Variants in ST6GALNAC3 observed in about 807,000 individuals in gnomAD.
The protein encoded by ST6GALNAC3 is ST6 N-acetylgalactosaminide alpha-2,6-sialyltransferase 3.
ST6GALNAC3 carries 25 observed loss-of-function variants against 32.7 expected under a neutral mutation model. The ratio of observed to expected loss-of-function variants is 0.76; its 90% CI spans 0.56 to 1.07. ST6GALNAC3 has a LOEUF of 1.07. Ranked by LOEUF, ST6GALNAC3 falls within the 50% of genes least tolerant of loss-of-function variation. The pLI, the probability that ST6GALNAC3 is intolerant of heterozygous loss-of-function variation, is 0.00. For missense variants in ST6GALNAC3, 355 were observed against 382.4 expected (o/e 0.93, Z 0.60); for synonymous variants, 129 against 133.1 (o/e 0.97, Z 0.21).
Position 76,488,427 on chromosome 1 carries a change from G to A in ST6GALNAC3, c.623+76010G>A, listed in dbSNP as rs142123657. 3.1e-3 allele frequency among the ~76,000 whole-genome samples: 470 copies of A among 152,196 alleles called. 2 individuals are homozygous for A. In the Middle Eastern group the frequency reaches 0.044, roughly 14 times the overall value. ...TGTAAAGCCCGCAAAACCATGAGCCGATTAAAACACTTCTCTTTATAAATT... is the reference window on the plus strand; with the variant it reads ...TGTAAAGCCCGCAAAACCATGAGCCAATTAAAACACTTCTCTTTATAAATT... On this transcript the variant is annotated intron_variant, in intron 3 of 4. Transcript: ENST00000328299.
At chr1:76,444,222 A>G (rs763084853) in intron 3 of ST6GALNAC3, among the ~76,000 whole-genome samples, 3 of 152,210 alleles carry the variant, frequency 2.0e-5, no homozygotes, top group Non-Finnish European at 4.4e-5. Flanking sequence ...GCACCAAACT[A>G]TAGAGCCTCA....
rs867500404 is a variant in ST6GALNAC3, at chr1:76,136,325, G to T, written c.18+61441G>T. ...GTCAATAGTCTCTTTGTTCTTTGAT[G>T]TACAGCTTACAAATAAATGCATTTA... On this transcript the variant is annotated intron_variant, in intron 1 of 4. Transcript: ENST00000328299. 9.8e-5 allele frequency among the ~76,000 whole-genome samples: 15 copies of T among 152,314 alleles called. No homozygotes were observed. In the Middle Eastern group the frequency reaches 0.01, roughly 104 times the overall value.
chr1:76,179,846 T>A (rs1653069555), intron 1 of ST6GALNAC3, among the ~76,000 whole-genome samples: 1 of 152,204 alleles, frequency 6.6e-6, no homozygotes, highest in Non-Finnish European at 1.5e-5. Context: ...GGCTGAAAGA[T>A]GTTTTTGTAA....
At chr1:76,360,848 CAG>C (rs1649870125) in intron 2 of ST6GALNAC3, among the ~76,000 whole-genome samples, 1 of 152,150 alleles carries the variant, frequency 6.6e-6, no homozygotes, top group South Asian at 2.1e-4. Context: ...TTCTGGGAGT[CAG>C]AGTCTCAATT....
intron 1 of ST6GALNAC3, among the ~76,000 whole-genome samples, chr1:76,278,444 A>G (rs1201911850): frequency 6.6e-6 from 1 of 151,548 alleles, no homozygotes; most frequent in African/African-American, 2.4e-5. Context: ...GATGGTCTCA[A>G]TCTCCTGACC....
intron 3 of ST6GALNAC3, chr1:76,576,918 G>A: frequency 3.9e-6 from 5 of 1,293,762 alleles, no homozygotes; most frequent in Non-Finnish European, 5.1e-6. Flanking sequence ...ACCACAAAAG[G>A]AAGGAAGGAA....
Position 76,573,253 on chromosome 1 carries a change from T to C in ST6GALNAC3, c.624-54199T>C, listed in dbSNP as rs567377830. 2.2e-4 allele frequency among the ~76,000 whole-genome samples: 34 copies of C among 152,260 alleles called. 1 individual carries two copies. Among genetic ancestry groups the C allele is most frequent in the Admixed American group, 1.8e-3 (28 of 15,284 alleles). The stretch of plus-strand genomic sequence containing the variant: ...GCAAGTGGAACTACCTTTCCGGTCC[T>C]CTTACAAGCATCCAGTCACTTGCTG... On this transcript the variant is annotated intron_variant, in intron 3 of 4. Transcript: ENST00000328299.
rs2100739372 is a variant in ST6GALNAC3, at chr1:76,630,791, A to C, written c.*1985A>C. Reference sequence around the variant, plus strand: ...TATTCTTTTGTTGTTCCCTTATGCAATTTTTAATTCTATGAATGTTAAGTT... The same window carrying C: ...TATTCTTTTGTTGTTCCCTTATGCACTTTTTAATTCTATGAATGTTAAGTT... On this transcript the variant is annotated 3_prime_UTR_variant, in exon 5 of 5. Transcript: ENST00000328299. 1 of 985,618 alleles carries C rather than the reference A, an allele frequency of 1.0e-6. No homozygotes were observed. The highest frequency in any genetic ancestry group is 1.7e-5 in the African/African-American group (1 of 57,302). The allele number at this position is 985,618 out of a possible 1,614,324, so 61.1% of individuals were successfully genotyped here.
At chr1:76,240,129 T>C (rs886579060) in intron 1 of ST6GALNAC3, among the ~76,000 whole-genome samples, 7 of 152,126 alleles carry the variant, frequency 4.6e-5, no homozygotes, top group African/African-American at 1.4e-4. Context: ...TAAGATAACA[T>C]AGGTATAATA....
chr1:76,160,462 G>A (rs562373978), intron 1 of ST6GALNAC3, among the ~76,000 whole-genome samples: 441 of 152,324 alleles, frequency 2.9e-3, no homozygotes, highest in Non-Finnish European at 3.8e-3. Context: ...GGATGTGGCA[G>A]TAGAAGTGCT....
rs928338596 is a variant in ST6GALNAC3 at position 76,633,636 on chromosome 1, T to C, written c.*4830T>C. 2.0e-5 allele frequency: 3 copies of C among 152,216 alleles called. No individual in the cohort carries two copies. Among genetic ancestry groups the C allele is most frequent in the Non-Finnish European group, 4.4e-5 (3 of 68,044 alleles). The allele number at this position is 152,216 out of a possible 1,614,324, so 9.4% of individuals were successfully genotyped here. On this transcript the variant is annotated 3_prime_UTR_variant, in exon 5 of 5. Coordinates refer to ENST00000328299, the MANE Select transcript of ST6GALNAC3 (RefSeq NM_152996.4). ...AAAATGTCCTCATACTCAAACCAAC[T>C]GTGCTGCCCAAGTTAGTGAAATTAT...
At chr1:76,339,040 A>G (rs148882012) in intron 2 of ST6GALNAC3, among the ~76,000 whole-genome samples, 308 of 152,168 alleles carry the variant, frequency 2.0e-3, no homozygotes, top group African/African-American at 7.0e-3. Flanking sequence ...TCCTTTCCCT[A>G]CATTCTGATG....
intron 2 of ST6GALNAC3, among the ~76,000 whole-genome samples, chr1:76,370,257 C>A (rs958996215): frequency 3.9e-5 from 6 of 152,110 alleles, no homozygotes; most frequent in African/African-American, 1.4e-4. Context: ...CTACTGAACT[C>A]TGTGTGATAC....
intron 1 of ST6GALNAC3, among the ~76,000 whole-genome samples, chr1:76,147,450 G>A (rs755888761): frequency 2.0e-5 from 3 of 152,110 alleles, no homozygotes; most frequent in Non-Finnish European, 2.9e-5. Context: ...CTTAACCTGA[G>A]ATGCAAGACC....
intron 3 of ST6GALNAC3, among the ~76,000 whole-genome samples, chr1:76,453,990 T>G (rs1170204363): frequency 2.6e-5 from 4 of 152,146 alleles, no homozygotes; most frequent in Non-Finnish European, 4.4e-5. Flanking sequence ...CTTGGGATTG[T>G]GATATTTTTC....
intron 3 of ST6GALNAC3, among the ~76,000 whole-genome samples, chr1:76,563,909 G>A (rs1030428319): frequency 1.3e-5 from 2 of 152,150 alleles, no homozygotes; most frequent in Non-Finnish European, 2.9e-5. Flanking sequence ...TTCAGCAGTA[G>A]AGATTAGTTA....
chr1:76,109,351 C>T (rs1647764879), intron 1 of ST6GALNAC3, among the ~76,000 whole-genome samples: 1 of 152,184 alleles, frequency 6.6e-6, no homozygotes, highest in African/African-American at 2.4e-5. Context: ...CAAAGACTCC[C>T]CGTAAGCTGA....
At chr1:76,527,312 T>G (rs1253828136) in intron 3 of ST6GALNAC3, among the ~76,000 whole-genome samples, 1 of 152,062 alleles carries the variant, frequency 6.6e-6, no homozygotes. Context: ...ATGGAAAGAT[T>G]TGCTATGAAC....
At chr1:76,442,032 T>G (rs1412457103) in intron 3 of ST6GALNAC3, among the ~76,000 whole-genome samples, 1 of 152,178 alleles carries the variant, frequency 6.6e-6, no homozygotes, top group African/African-American at 2.4e-5. Context: ...AGTGTGCAGG[T>G]GCATGGGGCA....
Sources: gnomAD v4.1 joint callset for allele counts (sites outside exome capture counted in the v4.1 genomes callset) on GRCh38, gnomAD v4.1.1 for gene constraint, MANE v1.5 for transcripts, NCBI Gene and HGNC (gene_info 2026-07-23, HGNC 2026-07-21) for gene names.